Variants in PCSK7 observed in about 807,000 individuals in gnomAD.
The protein encoded by PCSK7 is lymphoma proprotein convertase.
A neutral mutation model predicts 73.3 loss-of-function variants in PCSK7; 38 were observed. The ratio of observed to expected loss-of-function variants is 0.52; its 90% CI spans 0.40 to 0.68. The LOEUF (loss-of-function observed/expected upper bound fraction) is 0.68. Ranked by LOEUF, PCSK7 falls within the 30% of genes least tolerant of loss-of-function variation. The pLI, the probability that PCSK7 is intolerant of heterozygous loss-of-function variation, is 0.00. For synonymous variants in PCSK7, 296 were observed against 383.8 expected (o/e 0.77, Z 2.68); for missense variants, 692 against 991.5 (o/e 0.70, Z 4.06).
intron 12 of PCSK7, chr11:117,213,520 C>T (rs564550224): frequency 6.6e-5 from 10 of 152,238 alleles, no homozygotes; most frequent in African/African-American, 2.4e-4. Flanking sequence ...ATATCAACAG[C>T]ACACAGTGAT....
intron 1 of PCSK7, chr11:117,231,776 AGCTT>A (rs2032679498): frequency 1.3e-5 from 2 of 152,384 alleles, no homozygotes; most frequent in Non-Finnish European, 2.9e-5. Context: ...CCTAGAAGCC[AGCTT>A]GGGTACCGGG....
At chr11:117,227,422 G>T in intron 4 of PCSK7, 100 bp from the exon 5 acceptor site, 1 of 875,542 alleles carries the variant, frequency 1.1e-6, no homozygotes, top group Non-Finnish European at 1.9e-6. Flanking sequence ...GGGAATCGAA[G>T]CTAGGGCGAT....
chr11:117,206,161 C>A lies in PCSK7; in HGVS notation c.2194G>T (p.Asp732Tyr). ...SVPLCSSKDP[D>Y]EVETESRGPP... The stretch of plus-strand genomic sequence containing the variant: ...CCCCTGCTCTCTGTTTCCACTTCGT[C>A]TGGATCCTTGCTGCTGCAAAGTGGC... The change falls in exon 17 of 17, where the codon GAC (aspartate) becomes TAC (tyrosine). Residue 732 changes from aspartate (D) to tyrosine (Y), a missense_variant. By Grantham distance (160) the Asp-to-Tyr change is radical (BLOSUM62 -3). Coordinates refer to ENST00000320934, the MANE Select transcript of PCSK7 (RefSeq NM_004716.4). 6.2e-7 allele frequency: 1 copy of A among 1,613,114 alleles called. No individual in the cohort carries two copies. Among genetic ancestry groups the A allele is most frequent in the Non-Finnish European group, 8.5e-7 (1 of 1,179,308 alleles).
Position 117,219,176 on chromosome 11 carries a change from G to A in PCSK7, c.1324-12C>T. ...CGGCGATCCTCATACTGAAAGGACA[G>A]AGGTCCTGGTTAGTCTCTTGCATTG... On this transcript the variant is annotated splice_polypyrimidine_tract_variant and intron_variant, in intron 10 of 16. Coordinates refer to ENST00000320934, the MANE Select transcript of PCSK7 (RefSeq NM_004716.4). 6.3e-7 allele frequency: 1 copy of A among 1,587,318 alleles called. No homozygotes were observed. Among genetic ancestry groups the A allele is most frequent in the African/African-American group, 1.3e-5 (1 of 74,606 alleles).
intron 14 of PCSK7, chr11:117,207,643 C>T (rs2031494083): frequency 5.2e-6 from 3 of 575,684 alleles, no homozygotes; most frequent in Admixed American, 2.2e-5. Context: ...TGAAATGAGT[C>T]CTGCCCTTAC....
chr11:117,231,860 C>T (rs892076937), intron 1 of PCSK7, 167 bp downstream of exon 1: 1 of 152,472 alleles, frequency 6.6e-6, no homozygotes, highest in Non-Finnish European at 1.5e-5. Flanking sequence ...TCATTAGCAC[C>T]CACATTATCC....
At chr11:117,230,031 G>A (rs887813479) in intron 2 of PCSK7, 175 bp from the exon 3 acceptor site, 1 of 558,128 alleles carries the variant, frequency 1.8e-6, no homozygotes, top group Non-Finnish European at 3.1e-6. Flanking sequence ...GACCAACAGG[G>A]ATAAGCCCCC....
intron 7 of PCSK7, 50 bp downstream of exon 7, chr11:117,224,651 T>C: frequency 1.4e-6 from 2 of 1,419,832 alleles, no homozygotes; most frequent in Non-Finnish European, 2.0e-6. Context: ...CTCCCGGGAC[T>C]GTATGAAGAG....
intron 3 of PCSK7, 141 bp from the exon 4 acceptor site, chr11:117,228,491 A>G: frequency 1.5e-6 from 1 of 682,972 alleles, no homozygotes; most frequent in South Asian, 1.8e-5. Context: ...AGGTGGGAAC[A>G]GAGTCAAGGA....
Position 117,205,158 on chromosome 11 carries a change from G to C in PCSK7, c.*839C>G, listed in dbSNP as rs1292189700. On this transcript the variant is annotated 3_prime_UTR_variant, in exon 17 of 17. Coordinates refer to ENST00000320934, the MANE Select transcript of PCSK7 (RefSeq NM_004716.4). ...GTGAAAAGAGAAAAACAAATCTTAA[G>C]CATTAAAAAAAATTCAACCAACTAG... 2 of 232,568 alleles carry C rather than the reference G, an allele frequency of 8.6e-6. No individual in the cohort carries two copies. The highest frequency in any genetic ancestry group is 1.2e-4 in the East Asian group (2 of 16,474). The allele number at this position is 232,568 out of a possible 1,614,324, so 14.4% of individuals were successfully genotyped here.
chr11:117,229,449 C>T lies in PCSK7; in HGVS notation c.396G>A (p.Glu132=), dbSNP rs142401758. The T allele has an allele frequency of 6.2e-7, 1 of 1,610,994 alleles. No homozygotes were observed. The highest frequency in any genetic ancestry group is 8.5e-7 in the Non-Finnish European group (1 of 1,180,020). The change falls in exon 3 of 17, where the codon GAG becomes GAA. Residue 132 remains glutamate (E), a synonymous_variant. Transcript: ENST00000320934. ...AGHEAVRWHS[E]QRLLRRAKRS... Reference sequence around the variant, plus strand: ...GCTTGGCCCGCCTTAGCAGCCTCTGCTCTGAGTGCCAGCGCACAGCTTCAT... The same window carrying T: ...GCTTGGCCCGCCTTAGCAGCCTCTGTTCTGAGTGCCAGCGCACAGCTTCAT...
At chr11:117,231,161 C>G (rs12793361) in intron 1 of PCSK7, 5,629 of 152,202 alleles carry the variant, frequency 0.037, 152 homozygotes, top group Non-Finnish European at 0.059. Context: ...AGCCTTTGCT[C>G]TCCACTGGGT....
In PCSK7 at chr11:117,223,290, C is replaced by T. The variant is rs201956654; in HGVS notation, c.1073G>A (p.Gly358Glu). ...TVTIGAVDEE[G>E]RMPFYAEECA... is the part of the protein sequence containing the mutation. ...TTCTTCTGCATAGAAAGGCATGCGTCCCTCCTCATCCACAGCTCCTAGGGA... is the reference window on the plus strand; with the variant it reads ...TTCTTCTGCATAGAAAGGCATGCGTTCCTCCTCATCCACAGCTCCTAGGGA... Residue 358 changes from glycine to glutamate, a missense_variant, in exon 9 of 17, where the codon GGA (glycine) becomes GAA (glutamate). Gly to Glu is a moderately conservative substitution (Grantham distance 98). Around this residue, in one of 6 missense-constraint regions of PCSK7, gnomAD observed 574 missense variants for 689.8 expected, o/e 0.83. Transcript: ENST00000320934. 1.2e-5 allele frequency: 19 copies of T among 1,610,460 alleles called. No homozygotes were observed. The highest frequency in any genetic ancestry group is 1.6e-5 in the Non-Finnish European group (19 of 1,176,846).
intron 3 of PCSK7, among the ~76,000 whole-genome samples, chr11:117,228,722 G>A (rs1228179162): frequency 6.6e-6 from 1 of 150,594 alleles, no homozygotes; most frequent in African/African-American, 2.4e-5. Flanking sequence ...CCGGATTCAC[G>A]CCATTCTCCT....
rs117936354 is a variant in PCSK7 at position 117,221,669 on chromosome 11, G to T, written c.1155+1539C>A. On this transcript the variant is annotated intron_variant, in intron 9 of 16. Coordinates refer to ENST00000320934, the MANE Select transcript of PCSK7 (RefSeq NM_004716.4). ...TACAGTTCAGATGGAAGAGGGTGGTGAGGGTGAGAAGCTGAGGTGAGTTAA... is the reference window on the plus strand; with the variant it reads ...TACAGTTCAGATGGAAGAGGGTGGTTAGGGTGAGAAGCTGAGGTGAGTTAA... 599 of 152,494 alleles carry T rather than the reference G, an allele frequency of 3.9e-3. 4 individuals carry two copies. The highest frequency in any genetic ancestry group is 0.02 in the Middle Eastern group (6 of 294). The allele number at this position is 152,494 out of a possible 1,614,324, so 9.4% of individuals were successfully genotyped here. A position where few individuals can be genotyped will look rare whatever the true frequency, so the allele number is the denominator to read the frequency against.
chr11:117,206,972 TGGGAAGCACAGCTG>T (rs1232803962), intron 15 of PCSK7, 81 bp downstream of exon 15: 1 of 1,436,208 alleles, frequency 7.0e-7, no homozygotes, highest in Non-Finnish European at 9.8e-7. Context: ...ACGCTGGAAC[TGGGAAGCACAGCTG>T]GGGTTCAGAG....
chr11:117,213,976 T>TTTTTTTTTTTTTTTTTTTTTTTTTTG (rs36106425), intron 12 of PCSK7: 1 of 131,358 alleles, frequency 7.6e-6, no homozygotes, highest in African/African-American at 3.2e-5. Flanking sequence ...TTTTTTTTTT[T>TTTTTTTTTTTTTTTTTTTTTTTTTTG]AGACGGAGTC....
At chr11:117,231,058 A>G (rs1453693596) in intron 1 of PCSK7, 2 of 23,660 alleles carry the variant, frequency 8.5e-5, no homozygotes, top group African/African-American at 3.0e-4. Flanking sequence ...AGGAGCCCTC[A>G]AAAAAAAAAA....
intron 12 of PCSK7, chr11:117,212,052 C>T (rs2031750393): frequency 6.6e-6 from 1 of 152,156 alleles, no homozygotes; most frequent in Non-Finnish European, 1.5e-5. Context: ...CTACTTCTTA[C>T]CTTCCCAATT....
Sources: gnomAD v4.1 joint callset for allele counts (sites outside exome capture counted in the v4.1 genomes callset) on GRCh38, gnomAD v4.1.1 for gene constraint, gnomAD v4.1.1 regional missense constraint, MANE v1.5 for transcripts, NCBI Gene and HGNC (gene_info 2026-07-23, HGNC 2026-07-21) for gene names.